The following LIMK2 variants were observed in gnomAD, a reference collection of about 807,000 sequenced individuals.
The protein encoded by LIMK2 is LIM domain kinase 2.
A neutral mutation model predicts 75.7 loss-of-function variants in LIMK2; 35 were observed. The ratio of observed to expected loss-of-function variants is 0.46; its 90% CI spans 0.35 to 0.61. The LOEUF is 0.61. LIMK2 is among the 20% of genes least tolerant of loss of function. The pLI is 0.00. For synonymous variants in LIMK2, 301 were observed against 319.2 expected (o/e 0.94, Z 0.61); for missense variants, 623 against 831.0 (o/e 0.75, Z 3.08).
At chr22:31,239,614 TTC>T (rs1377337246) in intron 2 of LIMK2, among the ~76,000 whole-genome samples, 1 of 152,220 alleles carries the variant, frequency 6.6e-6, no homozygotes, top group Non-Finnish European at 1.5e-5. Flanking sequence ...CAGAGACTTC[TTC>T]TCTCTTTGTT....
In LIMK2 at chr22:31,278,435, T is replaced by A. The variant is rs764095964; in HGVS notation, c.1911T>A (p.Pro637=). ...AGTACGGCCTGACCCGGGACTCACC[T>A]CCCTAGCCCTGGCCCAGCCCCCTGC... is the stretch of plus-strand genomic sequence containing the variant. ...SMQYGLTRDS[P]P is the part of the protein sequence containing the mutation. The change falls in exon 16 of 16, where the codon CCT becomes CCA. Residue 637 remains proline, a synonymous_variant. Coordinates refer to ENST00000331728, the MANE Select transcript of LIMK2 (RefSeq NM_005569.4). 1.2e-6 allele frequency: 2 copies of A among 1,608,066 alleles called. No homozygotes were observed. The highest frequency in any genetic ancestry group is 4.5e-5 in the East Asian group (2 of 44,674).
intron 15 of LIMK2, chr22:31,275,561 T>G (rs1470533791): frequency 2.1e-6 from 1 of 476,968 alleles, no homozygotes; most frequent in African/African-American, 1.9e-5. Flanking sequence ...AGAAGGAAAT[T>G]CACCCAAACC....
intron 2 of LIMK2, among the ~76,000 whole-genome samples, chr22:31,226,772 G>T (rs957409863): frequency 1.3e-5 from 2 of 152,156 alleles, no homozygotes; most frequent in Admixed American, 6.5e-5. Context: ...ACCACGCCCA[G>T]CTAATTTTTG....
chr22:31,267,904 T>G lies in LIMK2; in HGVS notation c.1257T>G (p.Ser419Arg). The G allele has an allele frequency of 6.3e-7, 1 of 1,596,686 alleles. No individual in the cohort carries two copies. Among genetic ancestry groups the G allele is most frequent in the Non-Finnish European group, 8.5e-7 (1 of 1,172,866 alleles). The change falls in exon 10 of 16, where the codon AGT (serine) becomes AGG (arginine). Residue 419 changes from serine (S) to arginine (R), a missense_variant. Coordinates refer to ENST00000331728, the MANE Select transcript of LIMK2 (RefSeq NM_005569.4). ...EGGTLKDFLRSMDPFPWQQKV... is the reference protein window; with the variant it reads ...EGGTLKDFLRRMDPFPWQQKV... ...GCACACTGAAGGACTTTCTGCGCAG[T>G]ATGGTGAGCACACCACCCCATAGTC... is the stretch of plus-strand genomic sequence containing the variant.
At chr22:31,248,559 C>T (rs751827340) in intron 2 of LIMK2, 3 of 1,600,576 alleles carry the variant, frequency 1.9e-6, no homozygotes, top group Admixed American at 1.7e-5. Context: ...TCCTCAGGCT[C>T]CCGCAGCTGC....
chr22:31,261,678 G>T (rs972866537), intron 5 of LIMK2, among the ~76,000 whole-genome samples: 2 of 152,158 alleles, frequency 1.3e-5, no homozygotes, highest in African/African-American at 2.4e-5. Context: ...TGAGGCATGA[G>T]AATTGCTTGA....
chr22:31,262,569 G>T lies in LIMK2; in HGVS notation c.658-26G>T. The T allele has an allele frequency of 2.5e-6, 4 of 1,588,356 alleles. No individual in the cohort carries two copies. The highest frequency in any genetic ancestry group is 3.4e-6 in the Non-Finnish European group (4 of 1,162,840). On this transcript the variant is annotated intron_variant, in intron 6 of 15. Transcript: ENST00000331728. This position sits in a 1 kb window ranked among gnomAD's most constrained non-coding sequence, Gnocchi z 5.0. The stretch of plus-strand genomic sequence containing the variant: ...TGGCCTGGGATGGGGCAGCCTGTGG[G>T]AGCTTTATACTGCTCTTGGCCACAG...
intron 15 of LIMK2, chr22:31,275,587 G>A (rs2049005310): frequency 7.5e-6 from 3 of 401,692 alleles, no homozygotes; most frequent in South Asian, 3.7e-5. Context: ...AATACAGTAA[G>A]TGTATTCATC....
chr22:31,243,887 A>T (rs375947206), intron 2 of LIMK2, among the ~76,000 whole-genome samples: 2 of 152,204 alleles, frequency 1.3e-5, no homozygotes, highest in African/African-American at 2.4e-5. Context: ...GAGGAACCAC[A>T]CACTTGGGTC....
intron 1 of LIMK2, 77 bp from the exon 2 acceptor site, chr22:31,225,643 T>G: frequency 9.5e-7 from 1 of 1,055,826 alleles, no homozygotes. Flanking sequence ...TAACTCAGTC[T>G]TATTCTACAT....
At chr22:31,254,230 T>C (rs2048754181) in intron 2 of LIMK2, among the ~76,000 whole-genome samples, 1 of 152,246 alleles carries the variant, frequency 6.6e-6, no homozygotes, top group Non-Finnish European at 1.5e-5. Context: ...AAGCAGGATA[T>C]TGGCAATGGA....
intron 1 of LIMK2, among the ~76,000 whole-genome samples, chr22:31,224,467 C>T (rs1248117998): frequency 6.6e-6 from 1 of 152,150 alleles, no homozygotes; most frequent in African/African-American, 2.4e-5. Context: ...TGAGCCAGAC[C>T]TGAGTATGAA....
chr22:31,212,429 G>A lies in LIMK2; in HGVS notation c.16+5G>A. 1 of 1,334,102 alleles carries A rather than the reference G, an allele frequency of 7.5e-7. No homozygotes were observed. The highest frequency in any genetic ancestry group is 9.7e-7 in the Non-Finnish European group (1 of 1,032,504). The allele number at this position is 1,334,102 out of a possible 1,614,324, so 82.6% of individuals were successfully genotyped here. On this transcript the variant is annotated splice_donor_5th_base_variant and intron_variant, in intron 1 of 15. Transcript: ENST00000331728. The stretch of plus-strand genomic sequence containing the variant: ...GGACCATGTCCGCGCTGGCGGGTAA[G>A]GAAGGGCTGCTCCGCCCTGTCCCGC...
intron 15 of LIMK2, chr22:31,276,846 G>C (rs1429403337): frequency 7.4e-6 from 12 of 1,612,002 alleles, no homozygotes; most frequent in Non-Finnish European, 8.5e-6. Context: ...AGGGCCCAGT[G>C]AGGCGCCAAG....
intron 11 of LIMK2, among the ~76,000 whole-genome samples, chr22:31,269,035 TTTG>T (rs2048926562): frequency 1.3e-5 from 1 of 77,824 alleles, no homozygotes; most frequent in Non-Finnish European, 3.1e-5. Flanking sequence ...TTTTGGTTTT[TTTG>T]TTTGTTTGTT....
intron 2 of LIMK2, among the ~76,000 whole-genome samples, chr22:31,242,906 G>A (rs2048634826): frequency 6.6e-6 from 1 of 152,188 alleles, no homozygotes; most frequent in Non-Finnish European, 1.5e-5. Context: ...CTGTGAAGCT[G>A]GGAATTGCTG....
intron 5 of LIMK2, among the ~76,000 whole-genome samples, chr22:31,261,462 C>T (rs577427473): frequency 2.0e-5 from 3 of 151,770 alleles, no homozygotes; most frequent in South Asian, 2.1e-4. Context: ...AGGAGAATGG[C>T]ATGAACCTAG....
intron 1 of LIMK2, among the ~76,000 whole-genome samples, chr22:31,217,076 T>G (rs1282035287): frequency 4.6e-5 from 7 of 152,202 alleles, no homozygotes; most frequent in Admixed American, 4.6e-4. Context: ...TAATTTGTTT[T>G]GTCCAGGAAA....
At chr22:31,239,044 T>C (rs555985223) in intron 2 of LIMK2, among the ~76,000 whole-genome samples, 2 of 152,350 alleles carry the variant, frequency 1.3e-5, no homozygotes, top group African/African-American at 4.8e-5. Flanking sequence ...ACAGCCCATA[T>C]AGACAAATAT....
Sources: gnomAD v4.1 joint callset for allele counts (sites outside exome capture counted in the v4.1 genomes callset) on GRCh38, gnomAD v4.1.1 for gene constraint, Gnocchi (gnomAD v3.1) non-coding constraint, MANE v1.5 for transcripts, NCBI Gene and HGNC (gene_info 2026-07-23, HGNC 2026-07-21) for gene names.